The following DMD variants were observed in gnomAD, a reference collection of about 807,000 sequenced individuals.
DMD encodes dystrophin, also known as mutant dystrophin.
Under a neutral mutation model 330.1 loss-of-function variants are expected in DMD, and 63 were observed. That is an observed-to-expected ratio of 0.19 (90% CI 0.16 to 0.24). DMD has a LOEUF of 0.24. DMD is among the 10% of genes least tolerant of loss of function. The pLI, the probability that DMD is intolerant of heterozygous loss-of-function variation, is 1.00. For missense variants in DMD, 3,344 were observed against 2,684.1 expected (o/e 1.25, Z -5.43); for synonymous variants, 1,223 against 959.8 (o/e 1.27, Z -5.07).
chrX:33,145,142 T>C (rs1303067696), intron 1 of DMD, among the ~76,000 whole-genome samples: 1 of 112,392 alleles, frequency 8.9e-6, no homozygotes, highest in Non-Finnish European at 1.9e-5. Flanking sequence ...ATCCTCCATG[T>C]TAGTTATTTC....
chrX:31,201,158 T>TACACACACACACACACACAC (rs57235865), intron 67 of DMD, among the ~76,000 whole-genome samples: 3 of 98,282 alleles, frequency 3.1e-5, no homozygotes, highest in African/African-American at 1.2e-4. Flanking sequence ...AGAGACCCTG[T>TACACACACACACACACACAC]ACACACACAC....
At chrX:32,328,881 A>T (rs1387050354) in intron 41 of DMD, among the ~76,000 whole-genome samples, 1 of 111,867 alleles carries the variant, frequency 8.9e-6, no homozygotes, top group Admixed American at 9.5e-5. Flanking sequence ...AAAGCTAAAT[A>T]AAAAATTGCT....
chrX:31,946,804 T>G (rs2095093498), intron 45 of DMD, among the ~76,000 whole-genome samples: 1 of 110,183 alleles, frequency 9.1e-6, no homozygotes, highest in Admixed American at 9.7e-5. Flanking sequence ...AGTTTTTTTT[T>G]TTTTCTCCAC....
chrX:33,217,359 A>T (rs891021968), intron 1 of DMD, among the ~76,000 whole-genome samples: 32 of 111,692 alleles, frequency 2.9e-4, no homozygotes, highest in African/African-American at 1.0e-3. Flanking sequence ...CAAACTATAG[A>T]TTAGTTTTGG....
At chrX:33,071,768 G>A (rs2094761260) in intron 1 of DMD, among the ~76,000 whole-genome samples, 1 of 111,328 alleles carries the variant, frequency 9.0e-6, no homozygotes, top group Non-Finnish European at 1.9e-5. Flanking sequence ...ATTAAATAAA[G>A]GCCCTTTAAA....
intron 62 of DMD, among the ~76,000 whole-genome samples, chrX:31,288,699 T>C (rs1263474690): frequency 9.0e-6 from 1 of 110,704 alleles, no homozygotes; most frequent in Non-Finnish European, 1.9e-5. Flanking sequence ...AACCAAGAGA[T>C]TTTATGTGTG....
In DMD at chrX:32,644,400, T is replaced by C. The variant is rs1339548800; in HGVS notation, c.1150-87A>G. The C allele has an allele frequency of 1.5e-5, 15 of 975,973 alleles. No homozygotes were observed. The Admixed American group carries it at 3.3e-4, about 21-fold the overall frequency. 80.4% of individuals were successfully genotyped at this position (975,973 alleles called of 1,213,427 possible). Reference sequence around the variant, plus strand: ...GTTTTATTTGTTTGCAGTTTTAAACTTGTGGCCCATTTAGATTTATATTCC... The same window carrying C: ...GTTTTATTTGTTTGCAGTTTTAAACCTGTGGCCCATTTAGATTTATATTCC... On this transcript the variant is annotated intron_variant, in intron 10 of 78. Transcript: ENST00000357033.
At position 31,820,092 on chromosome X, in the gene DMD, GA is replaced by G. The variant is rs746750318; in HGVS notation, c.7201-10del. On this transcript the variant is annotated splice_polypyrimidine_tract_variant and intron_variant, in intron 49 of 78. Coordinates refer to ENST00000357033, the MANE Select transcript of DMD (RefSeq NM_004006.3). ...AGATCTTCTAACTTCCTCTTTAACAGAAAAGCATACACATTACTTATTCGAT... is the reference window on the plus strand; with the variant it reads ...AGATCTTCTAACTTCCTCTTTAACAGAAAGCATACACATTACTTATTCGAT... 7.7e-6 allele frequency: 9 copies of G among 1,171,795 alleles called. No homozygotes were observed. In the South Asian group the frequency reaches 1.1e-4, roughly 14 times the overall value.
intron 2 of DMD, among the ~76,000 whole-genome samples, chrX:32,855,175 T>G (rs147103772): frequency 0.018 from 1,980 of 111,949 alleles, 44 homozygotes; most frequent in African/African-American, 0.061. Flanking sequence ...CAGCATACCT[T>G]AACACAGTAA....
chrX:32,723,490 T>C (rs1187458887), intron 7 of DMD, among the ~76,000 whole-genome samples: 1 of 111,534 alleles, frequency 9.0e-6, no homozygotes, highest in Non-Finnish European at 1.9e-5. Flanking sequence ...TAAGAACAAA[T>C]GGTATAAATT....
chrX:32,767,241 G>A (rs973864041), intron 7 of DMD, among the ~76,000 whole-genome samples: 4 of 111,550 alleles, frequency 3.6e-5, no homozygotes, highest in Admixed American at 9.5e-5. Context: ...GAACCCTGGT[G>A]TAAAATTTAG....
chrX:32,755,788 T>C (rs2071431831), intron 7 of DMD, among the ~76,000 whole-genome samples: 2 of 111,817 alleles, frequency 1.8e-5, no homozygotes, highest in African/African-American at 6.5e-5. Context: ...ATCAAGAAAA[T>C]GGTTGTGTAT....
rs182486395 is a variant in DMD, at chrX:32,416,122, A to C, written c.4072-4209T>G. Among the ~76,000 whole-genome samples, 578 of 112,305 alleles carry C rather than the reference A, an allele frequency of 5.1e-3. 5 individuals are homozygous for C. The highest frequency in any genetic ancestry group is 0.018 in the African/African-American group (562 of 30,995). ...CTGCATGTGAAATAAAAAACCGAAT[A>C]TTGAAACCAAAAAATGTATTTAACA... On this transcript the variant is annotated intron_variant, in intron 29 of 78. Coordinates refer to ENST00000357033, the MANE Select transcript of DMD (RefSeq NM_004006.3).
At chrX:33,126,126 T>C (rs1275357035) in intron 1 of DMD, among the ~76,000 whole-genome samples, 1 of 111,798 alleles carries the variant, frequency 8.9e-6, no homozygotes, top group Non-Finnish European at 1.9e-5. Context: ...TACTGCTAAG[T>C]AATTTAAGTA....
At chrX:33,273,072 C>G (rs2053185060) in intron 1 of DMD, among the ~76,000 whole-genome samples, 1 of 111,486 alleles carries the variant, frequency 9.0e-6, no homozygotes, top group African/African-American at 3.3e-5. Flanking sequence ...CACCTCTAAG[C>G]ATTACCCTGA....
Position 32,437,915 on chromosome X carries a change from A to G in DMD, c.4071+326T>C, listed in dbSNP as rs770921851. Among the ~76,000 whole-genome samples the G allele has an allele frequency of 1.8e-3, 207 of 112,224 alleles. 1 individual carries two copies. The highest frequency in any genetic ancestry group is 6.2e-3 in the African/African-American group (191 of 30,929). On this transcript the variant is annotated intron_variant, in intron 29 of 78. Coordinates refer to ENST00000357033, the MANE Select transcript of DMD (RefSeq NM_004006.3). ...GACATAACAAATGTGTGTGGAATGGAGGGAGAGGAATAAAATGAGACAGCG... is the reference window on the plus strand; with the variant it reads ...GACATAACAAATGTGTGTGGAATGGGGGGAGAGGAATAAAATGAGACAGCG...
At chrX:33,062,678 C>T (rs1306094114) in intron 1 of DMD, among the ~76,000 whole-genome samples, 2 of 111,331 alleles carry the variant, frequency 1.8e-5, no homozygotes, top group African/African-American at 3.3e-5. Flanking sequence ...GGTTTCACCA[C>T]GTTGGCCAGG....
At chrX:31,999,906 A>G (rs1191611648) in intron 44 of DMD, among the ~76,000 whole-genome samples, 1 of 112,215 alleles carries the variant, frequency 8.9e-6, no homozygotes, top group Non-Finnish European at 1.9e-5. Flanking sequence ...TTACTTTTCA[A>G]CTGGTCTCTC....
At chrX:31,465,510 C>T (rs750429177) in intron 59 of DMD, among the ~76,000 whole-genome samples, 70 of 110,442 alleles carry the variant, frequency 6.3e-4, no homozygotes, top group Admixed American at 2.5e-3. Flanking sequence ...CCAGCTTCAT[C>T]CATGTCCCTG....
Sources: allele counts gnomAD v4.1 joint callset (sites outside exome capture counted in the v4.1 genomes callset), GRCh38; gene constraint gnomAD v4.1.1; transcripts MANE v1.5; gene names NCBI Gene and HGNC (gene_info 2026-07-23, HGNC 2026-07-21).